The following ANO3 variants were observed in gnomAD, a reference collection of about 807,000 sequenced individuals.
ANO3 encodes anoctamin-3.
Under a neutral mutation model 144.8 loss-of-function variants are expected in ANO3, and 99 were observed. That is an observed-to-expected ratio of 0.68 (90% CI 0.58 to 0.81). The LOEUF (loss-of-function observed/expected upper bound fraction) is 0.81. Among genes scored for constraint, ANO3 ranks in the 30% least tolerant of loss-of-function variants. ANO3 has a pLI of 0.00. For missense variants in ANO3, 905 were observed against 1,202.2 expected (o/e 0.75, Z 3.66); for synonymous variants, 414 against 392.6 (o/e 1.05, Z -0.64).
chr11:26,604,878 T>C (rs1335677253), intron 17 of ANO3, among the ~76,000 whole-genome samples: 1 of 152,202 alleles, frequency 6.6e-6, no homozygotes, highest in Admixed American at 6.5e-5. Flanking sequence ...CAATTTGACT[T>C]CCTCTCTTTC....
intron 1 of ANO3, among the ~76,000 whole-genome samples, chr11:26,332,845 G>A (rs1303042812): frequency 2.0e-5 from 3 of 152,094 alleles, no homozygotes; most frequent in African/African-American, 7.2e-5. Context: ...GTTTGCCCAT[G>A]TCCCATGCTT....
intron 17 of ANO3, among the ~76,000 whole-genome samples, chr11:26,603,545 A>G (rs1045748534): frequency 6.6e-6 from 1 of 152,096 alleles, no homozygotes; most frequent in South Asian, 2.1e-4. Context: ...AAGTTATTCA[A>G]ATTCTATGTA....
At chr11:26,658,975 A>G (rs1425857033) in intron 26 of ANO3, among the ~76,000 whole-genome samples, 1 of 151,994 alleles carries the variant, frequency 6.6e-6, no homozygotes, top group Non-Finnish European at 1.5e-5. Context: ...TTTCTGAGAA[A>G]TTGAAATATC....
At chr11:26,489,045 T>C (rs941903909) in intron 4 of ANO3, among the ~76,000 whole-genome samples, 3 of 152,172 alleles carry the variant, frequency 2.0e-5, no homozygotes, top group African/African-American at 7.2e-5. Flanking sequence ...ACACAAAAGT[T>C]CTCCAAGTGC....
intron 1 of ANO3, among the ~76,000 whole-genome samples, chr11:26,364,193 A>G (rs543990919): frequency 6.6e-6 from 1 of 151,954 alleles, no homozygotes; most frequent in African/African-American, 2.4e-5. Context: ...CAAATAAGAA[A>G]TTTTTTTTAG....
At chr11:26,272,607 A>T (rs989363887) in intron 1 of ANO3, among the ~76,000 whole-genome samples, 1 of 152,178 alleles carries the variant, frequency 6.6e-6, no homozygotes, top group Admixed American at 6.5e-5. Flanking sequence ...GAATGGTGTG[A>T]TGATTGTAGA....
chr11:26,601,892 A>T (rs1269208735), intron 17 of ANO3, among the ~76,000 whole-genome samples: 1 of 152,192 alleles, frequency 6.6e-6, no homozygotes, highest in Non-Finnish European at 1.5e-5. Flanking sequence ...TTGACAAAAA[A>T]ATTAATAATA....
intron 1 of ANO3, among the ~76,000 whole-genome samples, chr11:26,219,059 T>C (rs1315566085): frequency 1.3e-5 from 2 of 152,178 alleles, no homozygotes; most frequent in African/African-American, 4.8e-5. Flanking sequence ...GGCTGTCCTG[T>C]GCATTGTAAG....
intron 18 of ANO3, among the ~76,000 whole-genome samples, chr11:26,630,885 A>G (rs1446815841): frequency 2.6e-5 from 4 of 152,124 alleles, no homozygotes; most frequent in South Asian, 2.1e-4. Context: ...AACATACAAA[A>G]GGCAAATTTG....
chr11:26,319,144 C>CATT (rs376211456), intron 1 of ANO3, among the ~76,000 whole-genome samples: 65 of 150,932 alleles, frequency 4.3e-4, no homozygotes, highest in African/African-American at 9.7e-4. Flanking sequence ...TTCCAGATAA[C>CATT]ATTATTATTA....
At chr11:26,614,736 T>TC (rs1366976983) in intron 17 of ANO3, among the ~76,000 whole-genome samples, 1 of 152,002 alleles carries the variant, frequency 6.6e-6, no homozygotes, top group African/African-American at 2.4e-5. Context: ...TAGGAAGAAG[T>TC]CCCCCTGACT....
In ANO3 at chr11:26,624,471, A is replaced by G. The variant is rs1852517385; in HGVS notation, c.1846A>G (p.Lys616Glu). ...TTCTCTTTTATTACAGGCTTATGAA[A>G]AAATTGCTTACCTCCTCACCAATTT... ...IIMLLNLAYE[K>E]IAYLLTNLEY... The change falls in exon 18 of 27, where the codon AAA becomes GAA. Residue 616 changes from lysine (K) to glutamate (E), a missense_variant. By Grantham distance (56) the Lys-to-Glu change is moderately conservative. Transcript: ENST00000256737. 1 of 1,606,306 alleles carries G rather than the reference A, an allele frequency of 6.2e-7. No individual in the cohort carries two copies. The highest frequency in any genetic ancestry group is 1.3e-5 in the African/African-American group (1 of 74,782).
intron 24 of ANO3, among the ~76,000 whole-genome samples, chr11:26,650,179 G>T (rs1853483442): frequency 6.6e-6 from 1 of 152,200 alleles, no homozygotes; most frequent in Non-Finnish European, 1.5e-5. Flanking sequence ...TGTATGCTTA[G>T]CAGCTAAATT....
At chr11:26,273,125 A>G (rs573635677) in intron 1 of ANO3, among the ~76,000 whole-genome samples, 1 of 152,296 alleles carries the variant, frequency 6.6e-6, no homozygotes, top group African/African-American at 2.4e-5. Context: ...TTGTATGACA[A>G]GAAGGCCTGG....
intron 1 of ANO3, among the ~76,000 whole-genome samples, chr11:26,388,933 G>T (rs1856805738): frequency 6.6e-6 from 1 of 152,124 alleles, no homozygotes; most frequent in Non-Finnish European, 1.5e-5. Context: ...AGTCTGCCAT[G>T]ATTCAAATAG....
At chr11:26,411,535 T>C (rs896490886) in intron 1 of ANO3, among the ~76,000 whole-genome samples, 3 of 151,974 alleles carry the variant, frequency 2.0e-5, no homozygotes, top group Non-Finnish European at 2.9e-5. Flanking sequence ...AAATTTTACA[T>C]TCTGAGAAGT....
At chr11:26,625,972 A>T (rs749002806) in intron 18 of ANO3, among the ~76,000 whole-genome samples, 1 of 152,178 alleles carries the variant, frequency 6.6e-6, no homozygotes, top group African/African-American at 2.4e-5. Flanking sequence ...CTTGATATCC[A>T]TGTTCCTAGG....
chr11:26,215,118 T>C (rs761058140), intron 1 of ANO3, among the ~76,000 whole-genome samples: 23 of 151,778 alleles, frequency 1.5e-4, no homozygotes, highest in Non-Finnish European at 3.1e-4. Context: ...GTTTGTCAGG[T>C]TTCTCTATAT....
chr11:26,537,006 A>ATT (rs373049130), intron 9 of ANO3, among the ~76,000 whole-genome samples: 20 of 125,530 alleles, frequency 1.6e-4, no homozygotes, highest in African/African-American at 4.8e-4. Flanking sequence ...TATCCTTTAA[A>ATT]TTTTTTTTTT....
Sources: allele counts gnomAD v4.1 joint callset (sites outside exome capture counted in the v4.1 genomes callset), GRCh38; gene constraint gnomAD v4.1.1; transcripts MANE v1.5; gene names NCBI Gene and HGNC (gene_info 2026-07-23, HGNC 2026-07-21).